Variants in CRACDL observed in about 807,000 individuals in gnomAD.
The protein encoded by CRACDL is CRACD like, also known as CRACD-like protein.
In CRACDL, 26 loss-of-function variants were observed where a neutral mutation model predicts 70.6. That is an observed-to-expected ratio of 0.37 (90% confidence interval 0.27 to 0.51). The LOEUF (loss-of-function observed/expected upper bound fraction) is 0.51. Among genes scored for constraint, CRACDL ranks in the 20% least tolerant of loss-of-function variants. The pLI is 0.94. For synonymous variants in CRACDL, 618 were observed against 615.2 expected (o/e 1.00, Z -0.07); for missense variants, 1,283 against 1,376.9 (o/e 0.93, Z 1.08).
At chr2:98,880,172 A>T (rs1487239085) in intron 1 of CRACDL, among the ~76,000 whole-genome samples, 1 of 152,218 alleles carries the variant, frequency 6.6e-6, no homozygotes, top group Non-Finnish European at 1.5e-5. Context: ...AGCACTGGGC[A>T]TGGTACTGTA....
chr2:98,879,196 G>C (rs977592225), intron 1 of CRACDL, among the ~76,000 whole-genome samples: 1 of 152,196 alleles, frequency 6.6e-6, no homozygotes, highest in Non-Finnish European at 1.5e-5. Flanking sequence ...AGTGAGGCTT[G>C]ATAAATGTTT....
chr2:98,925,565 A>T (rs1207928969), intron 1 of CRACDL, among the ~76,000 whole-genome samples: 2 of 152,162 alleles, frequency 1.3e-5, no homozygotes, highest in Non-Finnish European at 2.9e-5. Flanking sequence ...GCACAGGCAG[A>T]GGGGCAAAGG....
At chr2:98,903,047 C>T (rs1243865214) in intron 1 of CRACDL, among the ~76,000 whole-genome samples, 1 of 152,090 alleles carries the variant, frequency 6.6e-6, no homozygotes, top group East Asian at 1.9e-4. Flanking sequence ...CAGCAGCAGG[C>T]GGGGGACCCT....
intron 1 of CRACDL, among the ~76,000 whole-genome samples, chr2:98,892,645 A>G (rs981536756): frequency 9.2e-5 from 14 of 152,072 alleles, no homozygotes; most frequent in African/African-American, 3.4e-4. Flanking sequence ...AGCCAAGATC[A>G]CACCACTGCA....
intron 1 of CRACDL, among the ~76,000 whole-genome samples, chr2:98,930,587 C>T (rs1024036683): frequency 3.3e-5 from 5 of 151,542 alleles, no homozygotes; most frequent in Admixed American, 6.6e-5. Flanking sequence ...TCACCTACCC[C>T]ATCTCTGTCC....
chr2:98,803,190 C>T (rs1332895841), intron 7 of CRACDL, among the ~76,000 whole-genome samples: 5 of 151,904 alleles, frequency 3.3e-5, no homozygotes, highest in East Asian at 3.9e-4. Flanking sequence ...TTAGTAGAGA[C>T]GGGGTTTCAC....
intron 2 of CRACDL, among the ~76,000 whole-genome samples, chr2:98,841,087 A>G (rs923684369): frequency 3.5e-4 from 53 of 152,182 alleles, no homozygotes; most frequent in Non-Finnish European, 5.9e-5. Context: ...GATAAGGGAT[A>G]CTCAATCTGT....
chr2:98,796,810 T>C (rs1703842169), intron 8 of CRACDL, among the ~76,000 whole-genome samples: 4 of 152,062 alleles, frequency 2.6e-5, no homozygotes, highest in Admixed American at 2.6e-4. Flanking sequence ...ATTCTAGGCA[T>C]AGTTGTTTGG....
chr2:98,907,295 G>GAAACA (rs768493136), intron 1 of CRACDL, among the ~76,000 whole-genome samples: 21 of 152,086 alleles, frequency 1.4e-4, no homozygotes, highest in Admixed American at 3.9e-4. Flanking sequence ...TCCATCTCAG[G>GAAACA]AAACAAAACA....
At position 98,928,286 on chromosome 2, in the gene CRACDL, T is replaced by C. The variant is rs1430806377; in HGVS notation, c.-11+7652A>G. On this transcript the variant is annotated intron_variant, in intron 1 of 9. Transcript: ENST00000397899. ...ATATGTATGTTAGCGCATATACGTA[T>C]GTATGTATAGTCAGTATAGCACAGA... Among the ~76,000 whole-genome samples, 53 of 152,176 alleles carry C rather than the reference T, an allele frequency of 3.5e-4. 2 individuals carry two copies. Among genetic ancestry groups the C allele is most frequent in the Admixed American group, 3.1e-3 (48 of 15,282 alleles).
At chr2:98,839,362 T>A (rs925821647) in intron 2 of CRACDL, among the ~76,000 whole-genome samples, 2 of 152,264 alleles carry the variant, frequency 1.3e-5, no homozygotes, top group African/African-American at 4.8e-5. Flanking sequence ...CTCAACTTTA[T>A]AATCGTAAAA....
At chr2:98,828,288 A>G (rs974052777) in intron 5 of CRACDL, among the ~76,000 whole-genome samples, 2 of 152,240 alleles carry the variant, frequency 1.3e-5, no homozygotes, top group Non-Finnish European at 2.9e-5. Flanking sequence ...AGGAGGTGAC[A>G]GGCTTTTCGT....
At chr2:98,924,664 A>G (rs1180882986) in intron 1 of CRACDL, among the ~76,000 whole-genome samples, 1 of 152,122 alleles carries the variant, frequency 6.6e-6, no homozygotes, top group Non-Finnish European at 1.5e-5. Context: ...GCCTCCCCTA[A>G]GGGGCCCCCC....
chr2:98,933,858 A>G (rs947517342), intron 1 of CRACDL, among the ~76,000 whole-genome samples: 2 of 152,190 alleles, frequency 1.3e-5, no homozygotes, highest in African/African-American at 4.8e-5. Context: ...GCTCATAGAC[A>G]ACAGACATTT....
intron 7 of CRACDL, among the ~76,000 whole-genome samples, chr2:98,811,536 A>AG (rs1010513481): frequency 3.3e-5 from 5 of 151,630 alleles, no homozygotes; most frequent in Non-Finnish European, 7.4e-5. Flanking sequence ...AAAAAAAAAA[A>AG]AAAGAAAATT....
At position 98,823,144 on chromosome 2, in the gene CRACDL, G is replaced by T. The variant is rs768881020; in HGVS notation, c.1129C>A (p.Pro377Thr). ...DGGKQDGEAP[P>T]AGPCAPATDK... ...GTGGCCGGGGCACACGGGCCTGCGG[G>T]GGGCGCCTCCCCATCCTGCTTTCCG... The change falls in exon 7 of 10, where the codon CCC becomes ACC. Residue 377 changes from proline (P) to threonine (T), a missense_variant. By Grantham distance (38) the Pro-to-Thr change is conservative. Coordinates refer to ENST00000397899, the MANE Select transcript of CRACDL (RefSeq NM_207362.3). This position sits in a 1 kb window ranked among gnomAD's most constrained non-coding sequence, Gnocchi z 4.0. 6.4e-7 allele frequency: 1 copy of T among 1,558,686 alleles called. No individual in the cohort carries two copies. The highest frequency in any genetic ancestry group is 8.6e-7 in the Non-Finnish European group (1 of 1,156,076).
intron 1 of CRACDL, among the ~76,000 whole-genome samples, chr2:98,868,012 C>A (rs558266582): frequency 6.6e-6 from 1 of 152,310 alleles, no homozygotes; most frequent in East Asian, 1.9e-4. Flanking sequence ...ATTACCAAGA[C>A]ATAACATCAC....
chr2:98,890,679 T>G (rs1707939375), intron 1 of CRACDL, among the ~76,000 whole-genome samples: 1 of 152,324 alleles, frequency 6.6e-6, no homozygotes, highest in Non-Finnish European at 1.5e-5. Context: ...ATATACCAGT[T>G]AAGCATTCCA....
intron 7 of CRACDL, among the ~76,000 whole-genome samples, chr2:98,817,295 C>A (rs1053046662): frequency 1.3e-5 from 2 of 152,030 alleles, no homozygotes; most frequent in Non-Finnish European, 2.9e-5. Flanking sequence ...TAACACTGTA[C>A]CTATAGACAA....
Sources: allele counts gnomAD v4.1 joint callset (sites outside exome capture counted in the v4.1 genomes callset), GRCh38; gene constraint gnomAD v4.1.1; non-coding constraint Gnocchi (gnomAD v3.1); transcripts MANE v1.5; gene names NCBI Gene and HGNC (gene_info 2026-07-23, HGNC 2026-07-21).